Variants in PLPP3 observed in about 807,000 individuals in gnomAD.
PLPP3 encodes the protein PAP2 beta.
In PLPP3, 6 loss-of-function variants were observed where a neutral mutation model predicts 29.6. That is an observed-to-expected ratio of 0.20 (90% CI 0.11 to 0.40). The LOEUF is 0.40. PLPP3 is among the 10% of genes least tolerant of loss of function. The pLI is 1.00. For synonymous variants in PLPP3, 152 were observed against 159.7 expected, an observed-to-expected ratio of 0.95 and a Z score of 0.36; for missense variants, 308 against 407.7, an observed-to-expected ratio of 0.76 and a Z score of 2.11.
chr1:56,578,863 C>T lies in PLPP3; in HGVS notation c.139+15G>A. On this transcript the variant is annotated intron_variant, in intron 1 of 5. Transcript: ENST00000371250. ...GAGGGGCCGAGGGGCCGAGGGACAG[C>T]GGGGCTGGGCTCACCCATGAAGAGG... 1.3e-6 allele frequency: 2 copies of T among 1,538,434 alleles called. No individual in the cohort carries two copies.
At chr1:56,498,284 T>C (rs1645642316) in intron 5 of PLPP3, among the ~76,000 whole-genome samples, 1 of 152,248 alleles carries the variant, frequency 6.6e-6, no homozygotes, top group African/African-American at 2.4e-5. Context: ...AGAAAAGATC[T>C]GTGCACAACC....
chr1:56,505,746 T>A (rs1645698124), intron 5 of PLPP3, among the ~76,000 whole-genome samples: 3 of 152,250 alleles, frequency 2.0e-5, no homozygotes, highest in Non-Finnish European at 4.4e-5. Flanking sequence ...TGACTGTTTA[T>A]GTTATCAGTA....
At chr1:56,563,057 C>T (rs1223694673) in intron 1 of PLPP3, among the ~76,000 whole-genome samples, 1 of 152,192 alleles carries the variant, frequency 6.6e-6, no homozygotes, top group African/African-American at 2.4e-5. Flanking sequence ...AGAGCCCTTG[C>T]TATGATTCCT....
chr1:56,568,813 G>T (rs868752746), intron 1 of PLPP3, among the ~76,000 whole-genome samples: 1 of 152,154 alleles, frequency 6.6e-6, no homozygotes, highest in Middle Eastern at 3.4e-3. Context: ...TTTTAGTAGA[G>T]ATGGGGTTTC....
At chr1:56,500,906 A>G (rs1645662889) in intron 5 of PLPP3, among the ~76,000 whole-genome samples, 1 of 144,790 alleles carries the variant, frequency 6.9e-6, no homozygotes, top group Admixed American at 7.2e-5. Flanking sequence ...CGGGAGGCTG[A>G]GGTGGAAGAA....
chr1:56,509,226 C>T (rs1645723791), intron 5 of PLPP3, among the ~76,000 whole-genome samples: 1 of 152,162 alleles, frequency 6.6e-6, no homozygotes, highest in African/African-American at 2.4e-5. Context: ...CCTTTCCAAA[C>T]CATCTTTACA....
At chr1:56,527,608 A>T (rs1645860333) in intron 2 of PLPP3, among the ~76,000 whole-genome samples, 1 of 152,198 alleles carries the variant, frequency 6.6e-6, no homozygotes, top group African/African-American at 2.4e-5. Context: ...ACATGACTCC[A>T]GGACCACATG....
intron 1 of PLPP3, among the ~76,000 whole-genome samples, chr1:56,556,986 G>GA (rs1284403891): frequency 3.0e-4 from 2 of 6,564 alleles, no homozygotes; most frequent in African/African-American, 7.7e-4. Context: ...AAGAAAGAAA[G>GA]AAAGAAAGAA....
intron 4 of PLPP3, among the ~76,000 whole-genome samples, chr1:56,516,182 G>A (rs892242411): frequency 6.6e-6 from 1 of 152,132 alleles, no homozygotes; most frequent in Non-Finnish European, 1.5e-5. Context: ...GAAAGGATAC[G>A]ATGACCTTCT....
intron 1 of PLPP3, among the ~76,000 whole-genome samples, chr1:56,556,997 A>AGAAAGAAAGAAAGAAAGAAG (rs1646082330): frequency 1.2e-4 from 1 of 8,242 alleles, no homozygotes; most frequent in Non-Finnish European, 3.3e-4. Context: ...AAAGAAAGAA[A>AGAAAGAAAGAAAGAAAGAAG]GAAAGAAAGA....
intron 4 of PLPP3, among the ~76,000 whole-genome samples, chr1:56,517,537 G>T (rs1011296543): frequency 6.6e-6 from 1 of 152,208 alleles, no homozygotes; most frequent in African/African-American, 2.4e-5. Context: ...GGATACCACT[G>T]TGCCCATTCT....
intron 4 of PLPP3, among the ~76,000 whole-genome samples, chr1:56,520,264 C>G (rs888673314): frequency 5.9e-5 from 9 of 152,144 alleles, no homozygotes; most frequent in African/African-American, 2.2e-4. Flanking sequence ...CAGAGCTGGT[C>G]ATGGATACAG....
At chr1:56,503,562 G>A (rs773756819) in intron 5 of PLPP3, among the ~76,000 whole-genome samples, 26 of 152,110 alleles carry the variant, frequency 1.7e-4, no homozygotes, top group Admixed American at 3.3e-4. Context: ...GATTGCACAC[G>A]CCTGTAATCC....
At chr1:56,557,036 G>A (rs11809506) in intron 1 of PLPP3, among the ~76,000 whole-genome samples, 2,543 of 9,008 alleles carry the variant, frequency 0.28, 734 homozygotes, top group African/African-American at 0.41. Flanking sequence ...AAGAGAGAGA[G>A]AGAGAGAGAG....
At chr1:56,547,216 C>A (rs986337827) in intron 1 of PLPP3, among the ~76,000 whole-genome samples, 1 of 152,150 alleles carries the variant, frequency 6.6e-6, no homozygotes, top group African/African-American at 2.4e-5. Flanking sequence ...CTAAGATCCT[C>A]AGAAAAGGGT....
intron 1 of PLPP3, among the ~76,000 whole-genome samples, chr1:56,567,412 TTTTGAGATG>T (rs1473354985): frequency 3.7e-5 from 4 of 109,242 alleles, no homozygotes. Flanking sequence ...TTTTTTTTTT[TTTTGAGATG>T]GAGTCTCGCT....
chr1:56,559,172 G>T (rs1268326987), intron 1 of PLPP3, among the ~76,000 whole-genome samples: 1 of 152,170 alleles, frequency 6.6e-6, no homozygotes, highest in Admixed American at 6.5e-5. Context: ...CTTCGTATAG[G>T]CAGAGAAGAA....
intron 4 of PLPP3, among the ~76,000 whole-genome samples, chr1:56,514,838 A>G (rs2100236501): frequency 6.6e-6 from 1 of 152,312 alleles, no homozygotes; most frequent in East Asian, 1.9e-4. Context: ...CACTATAGGC[A>G]ATACCAAAGT....
intron 1 of PLPP3, among the ~76,000 whole-genome samples, chr1:56,572,053 T>TG (rs1223631689): frequency 7.4e-6 from 1 of 135,246 alleles, no homozygotes; most frequent in East Asian, 2.1e-4. Flanking sequence ...GTTTTTTTTT[T>TG]TTTTTTTTTT....
Sources: gnomAD v4.1 joint callset for allele counts (sites outside exome capture counted in the v4.1 genomes callset) on GRCh38, gnomAD v4.1.1 for gene constraint, MANE v1.5 for transcripts, NCBI Gene and HGNC (gene_info 2026-07-23, HGNC 2026-07-21) for gene names.